The following FER1L5 variants were observed in gnomAD, a reference collection of about 807,000 sequenced individuals.
The protein encoded by FER1L5 is fer-1 like family member 5.
FER1L5 carries 187 observed loss-of-function variants against 279.9 expected under a neutral mutation model. That is an observed-to-expected ratio of 0.67 (90% CI 0.59 to 0.75). The LOEUF (loss-of-function observed/expected upper bound fraction) is 0.75, where lower values mean the gene tolerates loss of function less well. Ranked by LOEUF, FER1L5 falls within the 30% of genes least tolerant of loss-of-function variation. The pLI, the probability that FER1L5 is intolerant of heterozygous loss-of-function variation, is 0.00. For synonymous variants in FER1L5, 921 were observed against 989.7 expected, an observed-to-expected ratio of 0.93 and a Z score of 1.30; for missense variants, 2,091 against 2,594.4, an observed-to-expected ratio of 0.81 and a Z score of 4.21.
At chr2:96,683,704 A>G (rs578069676) in intron 19 of FER1L5, among the ~76,000 whole-genome samples, 10 of 152,288 alleles carry the variant, frequency 6.6e-5, no homozygotes, top group African/African-American at 2.2e-4. Flanking sequence ...AACTTTCCAG[A>G]AATTTGGAGA....
chr2:96,697,486 T>C (rs774659783), intron 37 of FER1L5, 40 bp from the exon 38 acceptor site: 3 of 1,603,496 alleles, frequency 1.9e-6, no homozygotes, highest in Admixed American at 3.4e-5. Context: ...AGCCCATGAG[T>C]GAGCTATGGC....
intron 26 of FER1L5, among the ~76,000 whole-genome samples, chr2:96,690,264 C>T (rs1279509773): frequency 6.6e-6 from 1 of 152,168 alleles, no homozygotes; most frequent in Non-Finnish European, 1.5e-5. Context: ...ATGCTAGTCT[C>T]CCCTTTACAA....
chr2:96,651,265 TTCTTTCTTTCTTTC>T (rs2075359679), intron 6 of FER1L5, among the ~76,000 whole-genome samples: 1 of 150,176 alleles, frequency 6.7e-6, no homozygotes, highest in Admixed American at 6.6e-5. Flanking sequence ...CTTTCTTTCT[TTCTTTCTTTCTTTC>T]TTTCTTTCTT....
chr2:96,693,174 CA>C (rs1160424997), intron 31 of FER1L5, among the ~76,000 whole-genome samples: 10 of 125,756 alleles, frequency 8.0e-5, no homozygotes, highest in African/African-American at 8.9e-5. Context: ...AACTCTGACT[CA>C]AAAAAAAAAG....
Position 96,649,605 on chromosome 2 carries a change from C to A in FER1L5, c.340-18C>A. ...ATGGCAGGGTCTGGCTTACAGCTCC[C>A]TTGCCTTTGTCTTGCAGTGTACTGT... On this transcript the variant is annotated intron_variant, in intron 4 of 52. Transcript: ENST00000624922. 1 of 1,551,012 alleles carries A rather than the reference C, an allele frequency of 6.4e-7. No individual in the cohort carries two copies. Among genetic ancestry groups the A allele is most frequent in the Non-Finnish European group, 8.7e-7 (1 of 1,146,876 alleles).
In FER1L5 at chr2:96,662,223, CAG is replaced by C; in HGVS notation, c.1028_1029del (p.Gln343LeufsTer60). 6.4e-7 allele frequency: 1 copy of C among 1,551,552 alleles called. No homozygotes were observed. Among genetic ancestry groups the C allele is most frequent in the Non-Finnish European group, 8.7e-7 (1 of 1,146,930 alleles). ...CAEDLHLKKH[Q>X]SVNPQLEVEL... The stretch of plus-strand genomic sequence containing the variant: ...TAACTTGTTGTTCATAGAGAAACAC[CAG>C]TCAGTGAATCCTCAGTTGGAGGTGG... On this transcript the variant is annotated frameshift_variant, in exon 13 of 53. Coordinates refer to ENST00000624922, the MANE Select transcript of FER1L5 (RefSeq NM_001293083.2). LOFTEE classifies it high-confidence loss of function.
rs905253289 is a variant in FER1L5 at position 96,702,911 on chromosome 2, C to A, written c.5398-67C>A. ...AGTCTATCACTGCTGGGTGGAGGGCCACTGAGGGGTGCAAGGGAAACGTCC... is the reference window on the plus strand; with the variant it reads ...AGTCTATCACTGCTGGGTGGAGGGCAACTGAGGGGTGCAAGGGAAACGTCC... On this transcript the variant is annotated intron_variant, in intron 48 of 52. Transcript: ENST00000624922. This position sits in a 1 kb window ranked among gnomAD's most constrained non-coding sequence, Gnocchi z 4.0. 2 of 1,547,984 alleles carry A rather than the reference C, an allele frequency of 1.3e-6. No individual in the cohort carries two copies. The highest frequency in any genetic ancestry group is 1.4e-5 in the African/African-American group (1 of 73,090).
chr2:96,658,058 C>T (rs1160541915), intron 9 of FER1L5, among the ~76,000 whole-genome samples: 1 of 151,784 alleles, frequency 6.6e-6, no homozygotes, highest in South Asian at 2.1e-4. Flanking sequence ...GCCCTGTTGC[C>T]CAGGCTGGAG....
intron 19 of FER1L5, among the ~76,000 whole-genome samples, chr2:96,674,461 T>TGATC (rs1475834155): frequency 6.6e-6 from 1 of 152,102 alleles, no homozygotes; most frequent in Non-Finnish European, 1.5e-5. Flanking sequence ...TGACCTCAGG[T>TGATC]GATCCACCCA....
At position 96,689,093 on chromosome 2, in the gene FER1L5, C is replaced by A; in HGVS notation, c.2362-120C>A. ...GCAATGGGGACATGGCCCTTTCTTG[C>A]CTGGCTACCACATTTTTAGGATGCC... On this transcript the variant is annotated intron_variant, in intron 24 of 52. Transcript: ENST00000624922. This position sits in a 1 kb window ranked among gnomAD's most constrained non-coding sequence, Gnocchi z 4.6. The A allele has an allele frequency of 8.0e-7, 1 of 1,250,478 alleles. No individual in the cohort carries two copies. The highest frequency in any genetic ancestry group is 1.1e-6 in the Non-Finnish European group (1 of 918,334). The allele number at this position is 1,250,478 out of a possible 1,614,324, so 77.5% of individuals were successfully genotyped here.
Position 96,692,064 on chromosome 2 carries a change from G to T in FER1L5, c.3215-40G>T, listed in dbSNP as rs533721869. The T allele has an allele frequency of 1.0e-4, 160 of 1,550,866 alleles. 1 individual carries two copies. In the African/African-American group the frequency reaches 2.1e-3, roughly 20 times the overall value. On this transcript the variant is annotated intron_variant, in intron 30 of 52. Transcript: ENST00000624922. ...GGGGCAGTCAGAGGGAGCCGCTGGG[G>T]TCCTGGGGCAGGTGACAGGCATGGC...
At chr2:96,681,250 A>G (rs1350629234) in intron 19 of FER1L5, among the ~76,000 whole-genome samples, 3 of 152,174 alleles carry the variant, frequency 2.0e-5, no homozygotes, top group Non-Finnish European at 4.4e-5. Flanking sequence ...GCTACTCAGG[A>G]GGCTGGGGTG....
At position 96,684,373 on chromosome 2, in the gene FER1L5, G is replaced by A. The variant is rs1204759169; in HGVS notation, c.1716G>A (p.Val572=). 1.3e-6 allele frequency: 2 copies of A among 1,551,626 alleles called. No individual in the cohort carries two copies. Among genetic ancestry groups the A allele is most frequent in the East Asian group, 2.4e-5 (1 of 40,912 alleles). Residue 572 remains valine, a synonymous_variant, in exon 20 of 53, where the codon GTG becomes GTA. Coordinates refer to ENST00000624922, the MANE Select transcript of FER1L5 (RefSeq NM_001293083.2). ...CCTGGTACAACACCAAGCCTGTCGT[G>A]GCCGTGACCTCCAACTGGGAGGACG... ...YVPWYNTKPV[V]AVTSNWEDVS... is the part of the protein sequence containing the mutation.
rs1047335504 is a variant in FER1L5 at position 96,699,422 on chromosome 2, A to AC, written c.4611-124dup. The AC allele has an allele frequency of 1.5e-5, 17 of 1,117,146 alleles. No individual in the cohort carries two copies. The Admixed American group carries it at 2.8e-4, about 19-fold the overall frequency. 69.2% of individuals were successfully genotyped at this position (1,117,146 alleles called of 1,614,324 possible). A position where few individuals can be genotyped will look rare whatever the true frequency, so the allele number is the denominator to read the frequency against. ...GATGGCGATTGGCAGAAGGCAGCCT[A>AC]CCCCATGCTCTGCTCTCCACAATCT... On this transcript the variant is annotated intron_variant, in intron 42 of 52. Transcript: ENST00000624922.
chr2:96,643,159 C>T (rs2074958172), intron 1 of FER1L5, among the ~76,000 whole-genome samples: 2 of 152,228 alleles, frequency 1.3e-5, no homozygotes, highest in South Asian at 2.1e-4. Context: ...GCTTCTGGAC[C>T]TTCTTCCATG....
chr2:96,652,221 G>A, intron 7 of FER1L5: 3 of 676,234 alleles, frequency 4.4e-6, no homozygotes, highest in Non-Finnish European at 7.3e-6. Flanking sequence ...CTGGTGGGCT[G>A]GTGGGGGCAC....
chr2:96,699,026 C>T lies in FER1L5; in HGVS notation c.4519-19C>T, dbSNP rs369607499. 1.3e-5 allele frequency: 20 copies of T among 1,598,470 alleles called. No individual in the cohort carries two copies. The highest frequency in any genetic ancestry group is 1.5e-5 in the Non-Finnish European group (18 of 1,172,532). ...GCCTCCCCAGTTCCTATCCTTCCCC[C>T]ACTTGTATCTGACCCCAGTGTGACC... On this transcript the variant is annotated intron_variant, in intron 41 of 52. Transcript: ENST00000624922.
intron 4 of FER1L5, among the ~76,000 whole-genome samples, chr2:96,649,315 C>A (rs990640837): frequency 1.6e-4 from 24 of 152,044 alleles, no homozygotes; most frequent in African/African-American, 5.8e-4. Context: ...CATCTGTGTT[C>A]TGGGCTCAAG....
At chr2:96,653,819 G>C in intron 8 of FER1L5, 117 bp downstream of exon 8, 1 of 710,790 alleles carries the variant, frequency 1.4e-6, no homozygotes, top group Non-Finnish European at 2.4e-6. Context: ...TTGTCTTCCT[G>C]ATCCCCACCA....
Sources: allele counts gnomAD v4.1 joint callset (sites outside exome capture counted in the v4.1 genomes callset), GRCh38; gene constraint gnomAD v4.1.1; non-coding constraint Gnocchi (gnomAD v3.1); transcripts MANE v1.5; gene names NCBI Gene and HGNC (gene_info 2026-07-23, HGNC 2026-07-21).